PHF20: variants seen among roughly 807,000 people sequenced by gnomAD.
The protein encoded by PHF20 is glioma-expressed antigen 2.
In PHF20, 23 loss-of-function variants were observed where a neutral mutation model predicts 113.5. The observed-to-expected ratio is 0.20, with a 90% CI of 0.15 to 0.29. PHF20 has a LOEUF of 0.29. PHF20 is among the 10% of genes least tolerant of loss of function. The probability of loss-of-function intolerance (pLI) is 1.00; values close to 1 mark genes in which losing one functional copy is unlikely to be tolerated. For synonymous variants in PHF20, 434 were observed against 457.3 expected (o/e 0.95, Z 0.65); for missense variants, 943 against 1,219.6 (o/e 0.77, Z 3.38).
intron 9 of PHF20, among the ~76,000 whole-genome samples, chr20:35,876,813 A>G (rs2054531935): frequency 6.6e-6 from 1 of 151,768 alleles, no homozygotes; most frequent in East Asian, 2.0e-4. Context: ...TCTACTAAAG[A>G]TACAAAAATT....
Position 35,900,694 on chromosome 20 carries a change from G to A in PHF20, c.1561+1046G>A, listed in dbSNP as rs368009929. Among the ~76,000 whole-genome samples, 25 of 152,084 alleles carry A rather than the reference G, an allele frequency of 1.6e-4. No individual in the cohort carries two copies. The East Asian group carries it at 4.1e-3, about 25-fold the overall frequency. On this transcript the variant is annotated intron_variant, in intron 10 of 17. Transcript: ENST00000374012. ...TACTAAATATACAAAAAAATTAGCC[G>A]GGCTTGGTGGTGCATGCCTGTAATC...
In PHF20 at chr20:35,914,779, C is replaced by T. The variant is rs571342134; in HGVS notation, c.1825+582C>T. ...AGAAGTTTGAGACCAGCCTGGCCAA[C>T]ATGGTGAAACCCATCTCTGCAAAAA... On this transcript the variant is annotated intron_variant, in intron 12 of 17. Coordinates refer to ENST00000374012, the MANE Select transcript of PHF20 (RefSeq NM_016436.5). Among the ~76,000 whole-genome samples, 3 of 151,980 alleles carry T rather than the reference C, an allele frequency of 2.0e-5. No homozygotes were observed. In the South Asian group the frequency reaches 6.2e-4, roughly 32 times the overall value.
chr20:35,853,678 A>G (rs936022868), intron 4 of PHF20, among the ~76,000 whole-genome samples: 1 of 151,886 alleles, frequency 6.6e-6, no homozygotes, highest in Admixed American at 6.6e-5. Flanking sequence ...GGATTGCTTG[A>G]GCCCAGGAGT....
chr20:35,879,662 A>C (rs183872627), intron 9 of PHF20, among the ~76,000 whole-genome samples: 1 of 151,696 alleles, frequency 6.6e-6, no homozygotes, highest in Non-Finnish European at 1.5e-5. Flanking sequence ...TTTACATTCC[A>C]TGGTGGTTAC....
At chr20:35,869,131 G>C (rs1233606429) in intron 6 of PHF20, among the ~76,000 whole-genome samples, 1 of 151,632 alleles carries the variant, frequency 6.6e-6, no homozygotes, top group Non-Finnish European at 1.5e-5. Context: ...CATTTTTCTT[G>C]TACCCTCAAA....
Position 35,773,442 on chromosome 20 carries a change from AC to A in PHF20, c.-33+1364del, listed in dbSNP as rs532661028. Among the ~76,000 whole-genome samples, 4 of 152,070 alleles carry A rather than the reference AC, an allele frequency of 2.6e-5. No individual in the cohort carries two copies. In the South Asian group the frequency reaches 8.3e-4, roughly 32 times the overall value. ...TGGCGAGTGCGTATCTTTGTTCAGC[AC>A]GGCACTTTTCTCTGTGCTTCTGCGG... On this transcript the variant is annotated intron_variant, in intron 1 of 17. Transcript: ENST00000374012.
At chr20:35,938,524 T>G (rs1283052570) in intron 15 of PHF20, 173 bp from the exon 16 acceptor site, 2 of 630,830 alleles carry the variant, frequency 3.2e-6, no homozygotes, top group African/African-American at 3.7e-5. Flanking sequence ...CACTAAGGAG[T>G]GGTCTCCTAG....
chr20:35,889,009 C>CTTTTTTTTTTTT (rs566960589), intron 9 of PHF20, among the ~76,000 whole-genome samples: 2 of 99,202 alleles, frequency 2.0e-5, no homozygotes, highest in Non-Finnish European at 2.1e-5. Context: ...CTCTTAGTTT[C>CTTTTTTTTTTTT]TTTTTTTTTT....
At chr20:35,778,590 A>G (rs2041221613) in intron 1 of PHF20, among the ~76,000 whole-genome samples, 2 of 152,040 alleles carry the variant, frequency 1.3e-5, no homozygotes, top group Non-Finnish European at 2.9e-5. Flanking sequence ...CGTCTCTACT[A>G]AAAATACAAA....
At chr20:35,926,320 C>T (rs2055632906) in intron 13 of PHF20, among the ~76,000 whole-genome samples, 1 of 136,992 alleles carries the variant, frequency 7.3e-6, no homozygotes, top group Non-Finnish European at 1.5e-5. Flanking sequence ...TCACTGCAAG[C>T]TCCGCCTCCC....
intron 2 of PHF20, among the ~76,000 whole-genome samples, chr20:35,836,748 G>A (rs2042447698): frequency 6.6e-6 from 1 of 151,758 alleles, no homozygotes; most frequent in Admixed American, 6.6e-5. Flanking sequence ...GGAGGCTGAG[G>A]CGGGAGAATG....
chr20:35,783,218 GA>G (rs1415814893), intron 1 of PHF20, among the ~76,000 whole-genome samples: 5 of 151,926 alleles, frequency 3.3e-5, no homozygotes, highest in Admixed American at 2.6e-4. Context: ...AAAAAGAAAA[GA>G]AAAAGAAAAC....
At chr20:35,919,000 G>T (rs186273963) in intron 13 of PHF20, among the ~76,000 whole-genome samples, 1 of 152,202 alleles carries the variant, frequency 6.6e-6, no homozygotes, top group African/African-American at 2.4e-5. Context: ...CTGTAGGTTG[G>T]CATGGCATGG....
At chr20:35,824,488 TC>T (rs552309898) in intron 2 of PHF20, among the ~76,000 whole-genome samples, 63 of 151,932 alleles carry the variant, frequency 4.1e-4, no homozygotes, top group African/African-American at 1.4e-3. Context: ...GTGCCTGTAG[TC>T]CCAGCTACTC....
chr20:35,913,177 C>T, intron 10 of PHF20, 72 bp from the exon 11 acceptor site: 3 of 987,542 alleles, frequency 3.0e-6, no homozygotes, highest in East Asian at 7.7e-5. Flanking sequence ...GACATGCTTG[C>T]TTAGGAGAAG....
chr20:35,933,002 C>T (rs181039514), intron 15 of PHF20, among the ~76,000 whole-genome samples: 3 of 152,210 alleles, frequency 2.0e-5, no homozygotes, highest in South Asian at 2.1e-4. Flanking sequence ...AAAGTTCATC[C>T]GTGTTATAGC....
intron 10 of PHF20, among the ~76,000 whole-genome samples, chr20:35,902,449 A>G (rs2147062740): frequency 6.6e-6 from 1 of 152,278 alleles, no homozygotes; most frequent in African/African-American, 2.4e-5. Context: ...GGACCCATGG[A>G]AGTCCTGCTT....
chr20:35,937,398 G>T (rs1443888452), intron 15 of PHF20, among the ~76,000 whole-genome samples: 3 of 151,706 alleles, frequency 2.0e-5, no homozygotes, highest in African/African-American at 7.3e-5. Flanking sequence ...AACCTGGGAG[G>T]TGGAGGTTGT....
At chr20:35,822,950 C>T (rs1203738895) in intron 2 of PHF20, among the ~76,000 whole-genome samples, 1 of 149,650 alleles carries the variant, frequency 6.7e-6, no homozygotes, top group Non-Finnish European at 1.5e-5. Flanking sequence ...CAGAGTGGTA[C>T]ATTTATTACA....
Sources: allele counts gnomAD v4.1 joint callset (sites outside exome capture counted in the v4.1 genomes callset), GRCh38; gene constraint gnomAD v4.1.1; transcripts MANE v1.5; gene names NCBI Gene and HGNC (gene_info 2026-07-23, HGNC 2026-07-21).